The following C8orf89 variants were observed in gnomAD, a reference collection of about 807,000 sequenced individuals.
C8orf89 encodes putative uncharacterized protein C8orf89.
Under a neutral mutation model 15.8 loss-of-function variants are expected in C8orf89, and 14 were observed. That is an observed-to-expected ratio of 0.89 (90% CI 0.59 to 1.39). C8orf89 has a LOEUF of 1.39. Among genes scored for constraint, C8orf89 ranks in the 40% most tolerant of loss-of-function variants. The pLI, the probability that C8orf89 is intolerant of heterozygous loss-of-function variation, is 0.00. For missense variants in C8orf89, 181 were observed against 184.5 expected, an observed-to-expected ratio of 0.98 and a Z score of 0.11; for synonymous variants, 55 against 62.2, an observed-to-expected ratio of 0.88 and a Z score of 0.54.
the C8orf89 span, among the ~76,000 whole-genome samples, chr8:73,281,929 A>G: frequency 6.6e-6 from 1 of 152,226 alleles, no homozygotes; most frequent in Non-Finnish European, 1.5e-5. Context: ...GATTTAGACA[A>G]GAGTGAAGTG....
At chr8:73,242,335 G>C (rs1027956732) in intron 3 of C8orf89, among the ~76,000 whole-genome samples, 1 of 152,112 alleles carries the variant, frequency 6.6e-6, no homozygotes, top group African/African-American at 2.4e-5. Context: ...ATGGGCAAAA[G>C]GGGTGGCTCA....
chr8:73,250,212 A>T (rs1266543869), intron 3 of C8orf89, 56 bp downstream of exon 3: 2 of 1,077,512 alleles, frequency 1.9e-6, no homozygotes, highest in African/African-American at 1.6e-5. Flanking sequence ...TTTTAAAAAA[A>T]GATAAGGTAT....
At chr8:73,252,139 AT>A (rs1563531482) in intron 2 of C8orf89, among the ~76,000 whole-genome samples, 1 of 152,178 alleles carries the variant, frequency 6.6e-6, no homozygotes, top group Non-Finnish European at 1.5e-5. Flanking sequence ...TGCGTTTTAT[AT>A]TTTTATAGCT....
chr8:73,278,517 A>AT, the C8orf89 span, among the ~76,000 whole-genome samples: 6 of 152,180 alleles, frequency 3.9e-5, no homozygotes, highest in African/African-American at 1.2e-4. Context: ...TGGAAGTAAA[A>AT]TTTTTTAAGA....
At position 73,241,738 on chromosome 8, in the gene C8orf89, A is replaced by C. The variant is rs982706563; in HGVS notation, c.338-133T>G. 31 of 681,166 alleles carry C rather than the reference A, an allele frequency of 4.6e-5. No homozygotes were observed. In the Middle Eastern group the frequency reaches 1.3e-3, roughly 29 times the overall value. The allele number at this position is 681,166 out of a possible 1,614,324, so 42.2% of individuals were successfully genotyped here. ...CACACTACTAGTTCTTATACTACAGAGCTATACTAACCCAAAAAAAAGCAT... is the reference window on the plus strand; with the variant it reads ...CACACTACTAGTTCTTATACTACAGCGCTATACTAACCCAAAAAAAAGCAT... On this transcript the variant is annotated intron_variant, in intron 3 of 3. Transcript: ENST00000624510.
At chr8:73,267,053 T>G in the C8orf89 span, among the ~76,000 whole-genome samples, 1 of 152,184 alleles carries the variant, frequency 6.6e-6, no homozygotes, top group South Asian at 2.1e-4. Flanking sequence ...TTTAATGGAT[T>G]AAAATATGTT....
the C8orf89 span, among the ~76,000 whole-genome samples, chr8:73,284,683 C>T: frequency 6.6e-6 from 1 of 152,172 alleles, no homozygotes; most frequent in South Asian, 2.1e-4. Flanking sequence ...CATATACTTC[C>T]GTACTGTTTC....
At chr8:73,280,779 ACATAT>A in the C8orf89 span, among the ~76,000 whole-genome samples, 1 of 151,346 alleles carries the variant, frequency 6.6e-6, no homozygotes, top group Admixed American at 6.6e-5. Context: ...ATACATATAT[ACATAT>A]ATGTATATAT....
At position 73,257,048 on chromosome 8, in the gene C8orf89, T is replaced by G; in HGVS notation, c.206A>C (p.Gln69Pro). Residue 69 changes from glutamine to proline, a missense_variant, in exon 2 of 4, where the codon CAA (glutamine) becomes CCA (proline). Physicochemically the swap from Gln to Pro is moderately conservative, Grantham distance 76 (BLOSUM62 -1). Transcript: ENST00000624510. ...TAGTGGAGTTGAACTTACACTTTTT[T>G]GGCAACTTTGCAGTCCTGGTAAATA... Reference protein sequence around the residue: ...MPYLPGLQSCQKSVSSTPLEV... With the variant: ...MPYLPGLQSCPKSVSSTPLEV... 6.5e-7 allele frequency: 1 copy of G among 1,535,964 alleles called. No individual in the cohort carries two copies. Among genetic ancestry groups the G allele is most frequent in the Non-Finnish European group, 8.7e-7 (1 of 1,146,764 alleles).
chr8:73,261,329 C>T (rs925180952), upstream of C8orf89, among the ~76,000 whole-genome samples: 3 of 152,188 alleles, frequency 2.0e-5, no homozygotes, highest in East Asian at 3.9e-4. Context: ...TTAACACAGC[C>T]GCAGTGTATG....
chr8:73,257,018 A>G lies in C8orf89; in HGVS notation c.236T>C (p.Val79Ala). Reference sequence around the variant, plus strand: ...ATCAGCACGTGGCAGTCTTTTAGGAACCTCTAGTGGAGTTGAACTTACACT... The same window carrying G: ...ATCAGCACGTGGCAGTCTTTTAGGAGCCTCTAGTGGAGTTGAACTTACACT... ...QKSVSSTPLE[V>A]PKRLPRADAE... is the part of the protein sequence containing the mutation. The change falls in exon 2 of 4, where the codon GTT becomes GCT. Residue 79 changes from valine to alanine, a missense_variant. Coordinates refer to ENST00000624510, the MANE Select transcript of C8orf89 (RefSeq NM_001243237.3). The G allele has an allele frequency of 6.5e-7, 1 of 1,535,108 alleles. No individual in the cohort carries two copies. The highest frequency in any genetic ancestry group is 8.7e-7 in the Non-Finnish European group (1 of 1,146,340).
At chr8:73,264,366 A>C (rs1813581748), upstream of C8orf89, among the ~76,000 whole-genome samples, 1 of 152,190 alleles carries the variant, frequency 6.6e-6, no homozygotes, top group Non-Finnish European at 1.5e-5. Flanking sequence ...TGGGGTTACA[A>C]ATACATTTTA....
chr8:73,262,114 A>G (rs1813540421), upstream of C8orf89, among the ~76,000 whole-genome samples: 1 of 152,202 alleles, frequency 6.6e-6, no homozygotes. Context: ...ATATGGAGTA[A>G]ATTATAATTT....
intron 3 of C8orf89, 34 bp downstream of exon 3, chr8:73,250,234 G>A (rs1243927936): frequency 2.1e-6 from 3 of 1,445,684 alleles, no homozygotes; most frequent in South Asian, 1.2e-5. Context: ...TGACACCCAA[G>A]AGAGGTAGTA....
chr8:73,260,160 T>C (rs576853365), upstream of C8orf89, among the ~76,000 whole-genome samples: 2 of 152,320 alleles, frequency 1.3e-5, no homozygotes, highest in South Asian at 4.1e-4. Context: ...AAGAATTACA[T>C]AAAGCCTTAG....
At chr8:73,261,018 A>T (rs147378462), upstream of C8orf89, among the ~76,000 whole-genome samples, 1 of 152,098 alleles carries the variant, frequency 6.6e-6, no homozygotes, top group Non-Finnish European at 1.5e-5. Flanking sequence ...TTAGACTCCA[A>T]GTTCTTCAGA....
At chr8:73,276,804 C>CTTT in the C8orf89 span, among the ~76,000 whole-genome samples, 1 of 71,354 alleles carries the variant, frequency 1.4e-5, no homozygotes, top group Admixed American at 1.6e-4. Context: ...GCACAGCAGT[C>CTTT]ATTTTTTTTT....
At chr8:73,280,341 C>T in the C8orf89 span, among the ~76,000 whole-genome samples, 1 of 152,280 alleles carries the variant, frequency 6.6e-6, no homozygotes, top group Non-Finnish European at 1.5e-5. Flanking sequence ...CCCAGAATAG[C>T]TTTTTAAATA....
At chr8:73,283,979 T>C in the C8orf89 span, among the ~76,000 whole-genome samples, 1 of 149,722 alleles carries the variant, frequency 6.7e-6, no homozygotes, top group Non-Finnish European at 1.5e-5. Flanking sequence ...GAGGCGGAGG[T>C]TGCAGTAAGC....
Sources: gnomAD v4.1 joint callset for allele counts (sites outside exome capture counted in the v4.1 genomes callset) on GRCh38, gnomAD v4.1.1 for gene constraint, MANE v1.5 for transcripts, NCBI Gene and HGNC (gene_info 2026-07-23, HGNC 2026-07-21) for gene names.